Variants in MACROD2 observed in about 807,000 individuals in gnomAD.
MACROD2 encodes the protein mono-ADP ribosylhydrolase 2, also known as ADP-ribose glycohydrolase MACROD2.
In MACROD2, 36 loss-of-function variants were observed where a neutral mutation model predicts 70.4. That is an observed-to-expected ratio of 0.51 (90% confidence interval 0.39 to 0.68). The LOEUF is 0.68. Among genes scored for constraint, MACROD2 ranks in the 30% least tolerant of loss-of-function variants. The pLI, the probability that MACROD2 is intolerant of heterozygous loss-of-function variation, is 0.00. For synonymous variants in MACROD2, 172 were observed against 178.8 expected, an observed-to-expected ratio of 0.96 and a Z score of 0.30; for missense variants, 496 against 538.4, an observed-to-expected ratio of 0.92 and a Z score of 0.78.
chr20:16,033,863 G>GGC (rs2067188389), intron 15 of MACROD2, among the ~76,000 whole-genome samples: 2 of 151,006 alleles, frequency 1.3e-5, no homozygotes, highest in Admixed American at 6.6e-5. Flanking sequence ...GGGGTGGGGT[G>GGC]GGGGAGAAAG....
intron 3 of MACROD2, among the ~76,000 whole-genome samples, chr20:14,348,910 A>G (rs1568571679): frequency 6.6e-6 from 1 of 152,068 alleles, no homozygotes; most frequent in South Asian, 2.1e-4. Flanking sequence ...TCTACAAAAA[A>G]TACAAGAATT....
chr20:14,708,547 G>C (rs1000589231), intron 5 of MACROD2, among the ~76,000 whole-genome samples: 13 of 152,134 alleles, frequency 8.5e-5, no homozygotes. Flanking sequence ...TTGCTACTTA[G>C]TGGTATATTT....
chr20:14,021,181 C>T (rs777999225), intron 2 of MACROD2, among the ~76,000 whole-genome samples: 105 of 151,966 alleles, frequency 6.9e-4, no homozygotes, highest in Non-Finnish European at 1.2e-3. Context: ...AGTAGAGACG[C>T]GGTTTCACCG....
At chr20:15,920,862 G>A (rs377538824) in intron 10 of MACROD2, among the ~76,000 whole-genome samples, 4 of 152,136 alleles carry the variant, frequency 2.6e-5, no homozygotes, top group Non-Finnish European at 5.9e-5. Context: ...GGATAATTCA[G>A]AGCTTTTGCA....
intron 3 of MACROD2, among the ~76,000 whole-genome samples, chr20:14,162,516 A>G (rs1285493543): frequency 6.6e-6 from 1 of 152,186 alleles, no homozygotes; most frequent in African/African-American, 2.4e-5. Context: ...TAGGTCTAAT[A>G]GTATTTTCTT....
chr20:16,040,620 AT>A (rs146412060), intron 15 of MACROD2, among the ~76,000 whole-genome samples: 16,084 of 151,932 alleles, frequency 0.11, 950 homozygotes, highest in East Asian at 0.16. Flanking sequence ...AGCTGTGCAA[AT>A]AGAGGCCAGT....
intron 3 of MACROD2, among the ~76,000 whole-genome samples, chr20:14,364,093 T>C (rs1310730853): frequency 2.0e-5 from 3 of 152,162 alleles, no homozygotes; most frequent in Non-Finnish European, 4.4e-5. Flanking sequence ...TTTTCTACTT[T>C]TAGAATTCTT....
intron 5 of MACROD2, among the ~76,000 whole-genome samples, chr20:15,132,003 A>G (rs1354646235): frequency 1.3e-5 from 2 of 152,010 alleles, no homozygotes; most frequent in East Asian, 3.9e-4. Context: ...TAAAGATGTT[A>G]CTCATTGAAT....
At chr20:15,902,927 CTG>C (rs1032322191) in intron 10 of MACROD2, among the ~76,000 whole-genome samples, 2 of 151,860 alleles carry the variant, frequency 1.3e-5, no homozygotes, top group African/African-American at 4.8e-5. Flanking sequence ...GGGAGTGAGC[CTG>C]TGTGTGTGGT....
At chr20:14,872,743 T>A (rs2073503093) in intron 5 of MACROD2, among the ~76,000 whole-genome samples, 1 of 152,134 alleles carries the variant, frequency 6.6e-6, no homozygotes, top group African/African-American at 2.4e-5. Context: ...AGTGACTTAG[T>A]TTGTTTTCAC....
chr20:14,071,252 GTTTTTTT>G (rs59052053), intron 2 of MACROD2, among the ~76,000 whole-genome samples: 2,373 of 63,734 alleles, frequency 0.037, 24 homozygotes, highest in Middle Eastern at 0.065. Flanking sequence ...TTCATCTTGT[GTTTTTTT>G]TTTTTTTTTT....
chr20:15,086,697 G>C (rs144025965), intron 5 of MACROD2, among the ~76,000 whole-genome samples: 14 of 152,280 alleles, frequency 9.2e-5, no homozygotes, highest in African/African-American at 3.4e-4. Flanking sequence ...GCTTATGGAA[G>C]AGGTGAAATC....
At chr20:14,586,381 A>C (rs888296865) in intron 4 of MACROD2, among the ~76,000 whole-genome samples, 1 of 152,052 alleles carries the variant, frequency 6.6e-6, no homozygotes, top group East Asian at 1.9e-4. Context: ...ATCTTTCCTT[A>C]AGTTTCCTAA....
chr20:15,194,915 T>TACTCTTAAG (rs1261631142), intron 5 of MACROD2, among the ~76,000 whole-genome samples: 1 of 149,780 alleles, frequency 6.7e-6, no homozygotes, highest in Non-Finnish European at 1.5e-5. Context: ...TATAGGCAAA[T>TACTCTTAAG]TATTTTGTAA....
At chr20:14,546,778 C>G (rs1037566554) in intron 4 of MACROD2, among the ~76,000 whole-genome samples, 29 of 152,114 alleles carry the variant, frequency 1.9e-4, no homozygotes, top group Non-Finnish European at 4.4e-5. Context: ...CTGCACATAA[C>G]TTGGGTATCC....
In MACROD2 at chr20:14,968,945, T is replaced by C. The variant is rs187468377; in HGVS notation, c.419-260995T>C. Among the ~76,000 whole-genome samples the C allele has an allele frequency of 3.3e-5, 5 of 152,322 alleles. No individual in the cohort carries two copies. In the East Asian group the frequency reaches 9.6e-4, roughly 29 times the overall value. On this transcript the variant is annotated intron_variant, in intron 5 of 17. Transcript: ENST00000684519. ...CACTTGCTCAGAGAGAGCTTTAGGA[T>C]TGACTATGTATTACTTTACCTCTTT...
intron 5 of MACROD2, among the ~76,000 whole-genome samples, chr20:15,019,046 T>G (rs1043723397): frequency 5.3e-5 from 8 of 152,296 alleles, no homozygotes; most frequent in African/African-American, 1.9e-4. Context: ...CAAGTATTCT[T>G]TACAGCAACA....
chr20:14,874,167 A>G (rs1482772417), intron 5 of MACROD2, among the ~76,000 whole-genome samples: 1 of 152,016 alleles, frequency 6.6e-6, no homozygotes, highest in Non-Finnish European at 1.5e-5. Flanking sequence ...TCTTTTGGTA[A>G]GAAAGATTTC....
At chr20:15,052,050 C>T (rs1024258317) in intron 5 of MACROD2, among the ~76,000 whole-genome samples, 1 of 152,170 alleles carries the variant, frequency 6.6e-6, no homozygotes, top group African/African-American at 2.4e-5. Context: ...TGCGCCCGGC[C>T]GGCCTATACC....
Sources: allele counts gnomAD v4.1 joint callset (sites outside exome capture counted in the v4.1 genomes callset), GRCh38; gene constraint gnomAD v4.1.1; transcripts MANE v1.5; gene names NCBI Gene and HGNC (gene_info 2026-07-23, HGNC 2026-07-21).